The following SLX4IP variants were observed in gnomAD, a reference collection of about 807,000 sequenced individuals.
SLX4IP encodes protein SLX4IP.
A neutral mutation model predicts 32.9 loss-of-function variants in SLX4IP; 34 were observed. The observed-to-expected ratio is 1.03, with a 90% CI of 0.79 to 1.38. The LOEUF (loss-of-function observed/expected upper bound fraction) is 1.38, where lower values mean the gene tolerates loss of function less well. Ranked by LOEUF, SLX4IP falls within the 40% of genes most tolerant of loss-of-function variation. SLX4IP has a pLI of 0.00. For missense variants in SLX4IP, 444 were observed against 479.0 expected, an observed-to-expected ratio of 0.93 and a Z score of 0.68; for synonymous variants, 172 against 171.7, an observed-to-expected ratio of 1.00 and a Z score of -0.01.
intron 4 of SLX4IP, among the ~76,000 whole-genome samples, chr20:10,567,746 G>A (rs915706261): frequency 4.6e-5 from 7 of 152,158 alleles, no homozygotes; most frequent in African/African-American, 1.7e-4. Flanking sequence ...CACTGCCAGT[G>A]AATCAGTATA....
chr20:10,446,411 CAAAAAA>C (rs36181096), intron 1 of SLX4IP, among the ~76,000 whole-genome samples: 15 of 112,384 alleles, frequency 1.3e-4, no homozygotes, highest in Admixed American at 1.8e-4. Context: ...GACTCTGTCT[CAAAAAA>C]AAAAAAAAAA....
chr20:10,572,269 C>T (rs931889807), intron 4 of SLX4IP, among the ~76,000 whole-genome samples: 2 of 152,168 alleles, frequency 1.3e-5, no homozygotes, highest in Non-Finnish European at 1.5e-5. Flanking sequence ...TGTCTGACAC[C>T]GGGTTTGTCC....
At position 10,559,370 on chromosome 20, in the gene SLX4IP, T is replaced by G. The variant is rs867376225; in HGVS notation, c.118-1330T>G. Reference sequence around the variant, plus strand: ...CAAGTGTTTTTAATAAAGGAAAAGTTTTGCTATCATTGCTCTTTAGAACAG... The same window carrying G: ...CAAGTGTTTTTAATAAAGGAAAAGTGTTGCTATCATTGCTCTTTAGAACAG... On this transcript the variant is annotated intron_variant, in intron 3 of 7. Transcript: ENST00000334534. 2.0e-5 allele frequency among the ~76,000 whole-genome samples: 3 copies of G among 152,296 alleles called. No individual in the cohort carries two copies. The South Asian group carries it at 6.2e-4, about 32-fold the overall frequency.
At chr20:10,528,566 TTTC>T (rs1433938385) in intron 2 of SLX4IP, among the ~76,000 whole-genome samples, 12 of 152,200 alleles carry the variant, frequency 7.9e-5, no homozygotes, top group Admixed American at 6.5e-4. Context: ...TTCTTGGAAT[TTTC>T]TTTTCTTTTC....
Position 10,504,821 on chromosome 20 carries a change from C to T in SLX4IP, c.27+46590C>T, listed in dbSNP as rs566711495. ...AGGGCTTAGGTAGCCGGAACTGTGG[C>T]GGCTCCATACCCCCAAAGTGAATTT... On this transcript the variant is annotated intron_variant, in intron 2 of 7. Transcript: ENST00000334534. 4.3e-4 allele frequency among the ~76,000 whole-genome samples: 66 copies of T among 152,260 alleles called. 1 individual carries two copies. In the Middle Eastern group the frequency reaches 0.01, roughly 24 times the overall value.
chr20:10,570,652 C>CG (rs2066452343), intron 4 of SLX4IP, among the ~76,000 whole-genome samples: 1 of 152,054 alleles, frequency 6.6e-6, no homozygotes. Flanking sequence ...CCTCAGCCTC[C>CG]TAAGTAGCTG....
chr20:10,618,443 A>T (rs6074160), intron 6 of SLX4IP, among the ~76,000 whole-genome samples: 14,740 of 152,278 alleles, frequency 0.097, 1,036 homozygotes, highest in East Asian at 0.36. Flanking sequence ...CATGAGGCAG[A>T]TGGCTGGAAA....
In SLX4IP at chr20:10,627,522, A is replaced by G. The variant is rs2067186978; in HGVS notation, c.*4143A>G. 6.6e-6 allele frequency: 1 copy of G among 152,210 alleles called. No homozygotes were observed. Among genetic ancestry groups the G allele is most frequent in the Admixed American group, 6.5e-5 (1 of 15,288 alleles). 9.4% of individuals were successfully genotyped at this position (152,210 alleles called of 1,614,324 possible). A position where few individuals can be genotyped will look rare whatever the true frequency, so the allele number is the denominator to read the frequency against. ...CTCAGAAATCTGCAGGACTCACTCTAATTTGCTTTCTATATTTATTTACAA... is the reference window on the plus strand; with the variant it reads ...CTCAGAAATCTGCAGGACTCACTCTGATTTGCTTTCTATATTTATTTACAA... On this transcript the variant is annotated 3_prime_UTR_variant, in exon 8 of 8. Coordinates refer to ENST00000334534, the MANE Select transcript of SLX4IP (RefSeq NM_001009608.3).
At chr20:10,536,364 T>TA (rs111395620) in intron 2 of SLX4IP, among the ~76,000 whole-genome samples, 371 of 142,112 alleles carry the variant, frequency 2.6e-3, no homozygotes, top group Middle Eastern at 7.4e-3. Context: ...CTTGTCTCTT[T>TA]AAAAAAAAAA....
At chr20:10,560,930 TA>T in intron 4 of SLX4IP, 110 bp downstream of exon 4, 1 of 1,074,170 alleles carries the variant, frequency 9.3e-7, no homozygotes, top group Non-Finnish European at 1.2e-6. Flanking sequence ...TGATACATTT[TA>T]AAAATATGTC....
intron 2 of SLX4IP, among the ~76,000 whole-genome samples, chr20:10,490,243 C>A (rs2065611129): frequency 1.3e-5 from 2 of 151,068 alleles, no homozygotes; most frequent in Non-Finnish European, 2.9e-5. Context: ...GTATAAAATT[C>A]TTTATGAGTA....
intron 4 of SLX4IP, among the ~76,000 whole-genome samples, chr20:10,570,808 C>T (rs962541034): frequency 5.9e-5 from 9 of 152,048 alleles, no homozygotes; most frequent in East Asian, 5.8e-4. Flanking sequence ...GGATTACAGG[C>T]GTGAGCCACC....
At chr20:10,491,719 G>A (rs1209320913) in intron 2 of SLX4IP, among the ~76,000 whole-genome samples, 1 of 151,988 alleles carries the variant, frequency 6.6e-6, no homozygotes, top group Non-Finnish European at 1.5e-5. Flanking sequence ...AAACTATGAG[G>A]CATAATTATT....
intron 4 of SLX4IP, among the ~76,000 whole-genome samples, chr20:10,593,099 G>T (rs1177968058): frequency 6.6e-6 from 1 of 152,112 alleles, no homozygotes; most frequent in Non-Finnish European, 1.5e-5. Flanking sequence ...TGTCTGAACT[G>T]GCGTGCAATG....
chr20:10,445,992 G>C (rs2065199744), intron 1 of SLX4IP, among the ~76,000 whole-genome samples: 1 of 139,174 alleles, frequency 7.2e-6, no homozygotes, highest in South Asian at 2.2e-4. Flanking sequence ...CATCCAAGTT[G>C]CATGTATCAA....
At chr20:10,604,587 T>A (rs1040790627) in intron 6 of SLX4IP, among the ~76,000 whole-genome samples, 1 of 152,134 alleles carries the variant, frequency 6.6e-6, no homozygotes, top group Admixed American at 6.5e-5. Flanking sequence ...ACAAAGGGAG[T>A]AATCCCCCTC....
intron 2 of SLX4IP, among the ~76,000 whole-genome samples, chr20:10,474,823 C>T (rs2065460970): frequency 6.6e-6 from 1 of 152,236 alleles, no homozygotes; most frequent in Non-Finnish European, 1.5e-5. Flanking sequence ...TGCCCTTTGG[C>T]CACTGATCTC....
chr20:10,559,392 A>G (rs1568740522), intron 3 of SLX4IP, among the ~76,000 whole-genome samples: 1 of 152,236 alleles, frequency 6.6e-6, no homozygotes, highest in Non-Finnish European at 1.5e-5. Flanking sequence ...GCTCTTTAGA[A>G]CAGCTAAAAA....
Position 10,586,050 on chromosome 20 carries a change from A to G in SLX4IP, c.239-12625A>G, listed in dbSNP as rs1172111114. 2.0e-5 allele frequency among the ~76,000 whole-genome samples: 3 copies of G among 152,074 alleles called. No individual in the cohort carries two copies. In the East Asian group the frequency reaches 5.8e-4, roughly 29 times the overall value. ...GTCAACAAAGTTAAAAAAAATTGTCATTGTCATCAGTCTTCTCTGAACACG... is the reference window on the plus strand; with the variant it reads ...GTCAACAAAGTTAAAAAAAATTGTCGTTGTCATCAGTCTTCTCTGAACACG... On this transcript the variant is annotated intron_variant, in intron 4 of 7. Coordinates refer to ENST00000334534, the MANE Select transcript of SLX4IP (RefSeq NM_001009608.3).
Sources: gnomAD v4.1 joint callset for allele counts (sites outside exome capture counted in the v4.1 genomes callset) on GRCh38, gnomAD v4.1.1 for gene constraint, MANE v1.5 for transcripts, NCBI Gene and HGNC (gene_info 2026-07-23, HGNC 2026-07-21) for gene names.